Variants in ARL5A observed in about 807,000 individuals in gnomAD.
The protein encoded by ARL5A is ADP-ribosylation factor-like protein 5A.
ARL5A carries 18 observed loss-of-function variants against 25.9 expected under a neutral mutation model. The ratio of observed to expected loss-of-function variants is 0.69; its 90% CI spans 0.48 to 1.03. The LOEUF (loss-of-function observed/expected upper bound fraction) is 1.03, where lower values mean the gene tolerates loss of function less well. Ranked by LOEUF, ARL5A falls within the 50% of genes least tolerant of loss-of-function variation. ARL5A has a pLI of 0.00. For synonymous variants in ARL5A, 61 were observed against 67.5 expected, an observed-to-expected ratio of 0.90 and a Z score of 0.47; for missense variants, 170 against 211.9, an observed-to-expected ratio of 0.80 and a Z score of 1.23.
At chr2:151,826,604 T>C (rs2099833086) in intron 1 of ARL5A, among the ~76,000 whole-genome samples, 1 of 152,204 alleles carries the variant, frequency 6.6e-6, no homozygotes, top group Non-Finnish European at 1.5e-5. Context: ...TAATACAAAA[T>C]GATGGATGTT....
At chr2:151,817,878 A>C (rs2099831727) in intron 1 of ARL5A, among the ~76,000 whole-genome samples, 1 of 152,142 alleles carries the variant, frequency 6.6e-6, no homozygotes, top group African/African-American at 2.4e-5. Flanking sequence ...GGTGGCACAT[A>C]CCTGCAATCC....
chr2:151,802,304 C>G lies in ARL5A; in HGVS notation c.*972G>C, dbSNP rs186969549. 1 of 152,044 alleles carries G rather than the reference C, an allele frequency of 6.6e-6. No individual in the cohort carries two copies. Among genetic ancestry groups the G allele is most frequent in the Non-Finnish European group, 1.5e-5 (1 of 67,964 alleles). 9.4% of individuals were successfully genotyped at this position (152,044 alleles called of 1,614,324 possible). A position where few individuals can be genotyped will look rare whatever the true frequency, so the allele number is the denominator to read the frequency against. ...GTTTAATAGTATTTATAGAATGCTA[C>G]TTTTCTGGGTAGACATGTTTCACAA... On this transcript the variant is annotated 3_prime_UTR_variant, in exon 6 of 6. Coordinates refer to ENST00000295087, the MANE Select transcript of ARL5A (RefSeq NM_012097.4).
chr2:151,824,166 TCAGTA>T (rs1428302206), intron 1 of ARL5A, among the ~76,000 whole-genome samples: 1 of 152,318 alleles, frequency 6.6e-6, no homozygotes. Context: ...TTTTTCACTT[TCAGTA>T]CAGTATTCAA....
intron 1 of ARL5A, among the ~76,000 whole-genome samples, chr2:151,827,054 A>G (rs543636787): frequency 6.6e-6 from 1 of 152,354 alleles, no homozygotes; most frequent in South Asian, 2.1e-4. Context: ...GTAGGTGTAC[A>G]TAATAGATGC....
chr2:151,819,565 A>G (rs138143885), intron 1 of ARL5A, among the ~76,000 whole-genome samples: 1 of 152,338 alleles, frequency 6.6e-6, no homozygotes, highest in African/African-American at 2.4e-5. Flanking sequence ...ATACCAGTGG[A>G]AAAACTATAT....
intron 3 of ARL5A, among the ~76,000 whole-genome samples, chr2:151,812,913 C>G (rs550447227): frequency 3.9e-4 from 60 of 152,048 alleles, no homozygotes; most frequent in Admixed American, 7.9e-4. Context: ...AAGAATAAAT[C>G]TCTATCTAAA....
chr2:151,820,680 A>AAC (rs1472392807), intron 1 of ARL5A, among the ~76,000 whole-genome samples: 12 of 150,880 alleles, frequency 8.0e-5, no homozygotes, highest in Admixed American at 2.6e-4. Context: ...AAAAAAAAAA[A>AAC]AAAAACAGAA....
intron 1 of ARL5A, among the ~76,000 whole-genome samples, chr2:151,821,630 G>A (rs561204343): frequency 4.1e-4 from 63 of 152,206 alleles, no homozygotes; most frequent in African/African-American, 1.4e-3. Flanking sequence ...TTTTTGAGAC[G>A]CAGTCTCGCT....
intron 1 of ARL5A, among the ~76,000 whole-genome samples, chr2:151,823,433 GA>G (rs58107156): frequency 3.0e-4 from 44 of 146,710 alleles, no homozygotes; most frequent in African/African-American, 9.3e-4. Context: ...TGAGGTTGCT[GA>G]AAAAAAAAAG....
In ARL5A at chr2:151,800,341, A is replaced by G. The variant is rs1459800684; in HGVS notation, c.*2935T>C. 1 of 152,210 alleles carries G rather than the reference A, an allele frequency of 6.6e-6. No individual in the cohort carries two copies. Among genetic ancestry groups the G allele is most frequent in the Non-Finnish European group, 1.5e-5 (1 of 68,030 alleles). 9.4% of individuals were successfully genotyped at this position (152,210 alleles called of 1,614,324 possible). The stretch of plus-strand genomic sequence containing the variant: ...CTGAGACAAAAAGGAAAACAATGTC[A>G]GGGACTTCATGCCTTTGCTCAAGCT... On this transcript the variant is annotated 3_prime_UTR_variant, in exon 6 of 6. Transcript: ENST00000295087.
intron 1 of ARL5A, among the ~76,000 whole-genome samples, chr2:151,816,257 C>A (rs2099831484): frequency 6.6e-6 from 1 of 152,242 alleles, no homozygotes; most frequent in East Asian, 1.9e-4. Context: ...AAGGGATGAC[C>A]AGTCAGCCCC....
At chr2:151,827,762 A>C (rs752851718) in intron 1 of ARL5A, 37 of 281,828 alleles carry the variant, frequency 1.3e-4, no homozygotes, top group Non-Finnish European at 2.2e-4. Context: ...CAGCACTTCT[A>C]TGTGGTGTCC....
chr2:151,810,037 G>A (rs912920261), intron 4 of ARL5A, among the ~76,000 whole-genome samples: 8 of 152,042 alleles, frequency 5.3e-5, no homozygotes, highest in East Asian at 1.9e-4. Flanking sequence ...GAGCCGATAC[G>A]GTGCCACTGC....
rs1400766274 is a variant in ARL5A, at chr2:151,800,768, A to C, written c.*2508T>G. The stretch of plus-strand genomic sequence containing the variant: ...TTATAGCATATGGTTACTTTTGCCC[A>C]GATATCAAAAGAAGTTACATGACTT... On this transcript the variant is annotated 3_prime_UTR_variant, in exon 6 of 6. Coordinates refer to ENST00000295087, the MANE Select transcript of ARL5A (RefSeq NM_012097.4). 1 of 152,448 alleles carries C rather than the reference A, an allele frequency of 6.6e-6. No individual in the cohort carries two copies. Among genetic ancestry groups the C allele is most frequent in the African/African-American group, 2.4e-5 (1 of 41,464 alleles). 9.4% of individuals were successfully genotyped at this position (152,448 alleles called of 1,614,324 possible). A position where few individuals can be genotyped will look rare whatever the true frequency, so the allele number is the denominator to read the frequency against.
chr2:151,819,598 A>G (rs992442872), intron 1 of ARL5A, among the ~76,000 whole-genome samples: 1 of 152,230 alleles, frequency 6.6e-6, no homozygotes, highest in Admixed American at 6.5e-5. Flanking sequence ...TGATAGCTTT[A>G]AAGTAAAACC....
At chr2:151,812,918 T>C (rs946423088) in intron 3 of ARL5A, among the ~76,000 whole-genome samples, 1 of 152,078 alleles carries the variant, frequency 6.6e-6, no homozygotes, top group Non-Finnish European at 1.5e-5. Context: ...TAAATCTCTA[T>C]CTAAAAACAA....
At position 151,816,514 on chromosome 2, in the gene ARL5A, T is replaced by C. The variant is rs1403140924; in HGVS notation, c.47-1315A>G. Among the ~76,000 whole-genome samples the C allele has an allele frequency of 5.3e-5, 8 of 152,304 alleles. No homozygotes were observed. The East Asian group carries it at 1.4e-3, about 26-fold the overall frequency. On this transcript the variant is annotated intron_variant, in intron 1 of 5. Transcript: ENST00000295087. Reference sequence around the variant, plus strand: ...AGCTTATTACACAGAAACAGATAACTGAAGGAGATATTAATGGCATTATAT... The same window carrying C: ...AGCTTATTACACAGAAACAGATAACCGAAGGAGATATTAATGGCATTATAT...
intron 5 of ARL5A, 134 bp downstream of exon 5, chr2:151,806,687 A>C (rs947835435): frequency 4.8e-6 from 4 of 837,322 alleles, no homozygotes; most frequent in Middle Eastern, 3.8e-4. Flanking sequence ...GATTATAGAC[A>C]TGAACTACAG....
chr2:151,824,574 C>T (rs1178964304), intron 1 of ARL5A, among the ~76,000 whole-genome samples: 1 of 152,162 alleles, frequency 6.6e-6, no homozygotes, highest in Non-Finnish European at 1.5e-5. Flanking sequence ...GGCAGCTTCT[C>T]CTGCACCCAT....
Sources: allele counts gnomAD v4.1 joint callset (sites outside exome capture counted in the v4.1 genomes callset), GRCh38; gene constraint gnomAD v4.1.1; transcripts MANE v1.5; gene names NCBI Gene and HGNC (gene_info 2026-07-23, HGNC 2026-07-21).